The following PAK2 variants were observed in gnomAD, a reference collection of about 807,000 sequenced individuals.
The protein encoded by PAK2 is p21 (RAC1) activated kinase 2.
In PAK2, 21 loss-of-function variants were observed where a neutral mutation model predicts 65.9. That is an observed-to-expected ratio of 0.32 (90% CI 0.23 to 0.46). The LOEUF is 0.46. Ranked by LOEUF, PAK2 falls within the 20% of genes least tolerant of loss-of-function variation. The pLI, the probability that PAK2 is intolerant of heterozygous loss-of-function variation, is 1.00. For missense variants in PAK2, 324 were observed against 642.6 expected (o/e 0.50, Z 5.36); for synonymous variants, 204 against 219.7 (o/e 0.93, Z 0.63).
At chr3:196,765,398 C>T (rs1003318545) in intron 1 of PAK2, among the ~76,000 whole-genome samples, 28 of 152,114 alleles carry the variant, frequency 1.8e-4, no homozygotes, top group African/African-American at 6.3e-4. Flanking sequence ...AATCCCCCAC[C>T]TCCGCCTCCT....
intron 3 of PAK2, among the ~76,000 whole-genome samples, chr3:196,802,610 C>T (rs1445468261): frequency 2.0e-5 from 3 of 152,008 alleles, no homozygotes; most frequent in African/African-American, 4.8e-5. Context: ...TTTGGGAGGC[C>T]GAGGCGGGTG....
chr3:196,770,281 T>C (rs1266586516), intron 1 of PAK2, among the ~76,000 whole-genome samples: 3 of 151,940 alleles, frequency 2.0e-5, no homozygotes, highest in Non-Finnish European at 4.4e-5. Context: ...ATATACAGTA[T>C]TTGTCCTTTT....
chr3:196,823,092 C>A (rs1419976598), intron 13 of PAK2, among the ~76,000 whole-genome samples: 1 of 152,118 alleles, frequency 6.6e-6, no homozygotes. Flanking sequence ...ATTTCCCTGG[C>A]TGCGTTGTTG....
intron 7 of PAK2, among the ~76,000 whole-genome samples, chr3:196,809,549 G>A (rs1343406343): frequency 6.7e-6 from 1 of 150,370 alleles, no homozygotes; most frequent in Non-Finnish European, 1.5e-5. Context: ...TCACCATGTT[G>A]GCTGGGCTGG....
At chr3:196,824,109 G>T (rs958894784) in intron 13 of PAK2, among the ~76,000 whole-genome samples, 9 of 152,160 alleles carry the variant, frequency 5.9e-5, no homozygotes, top group African/African-American at 1.9e-4. Context: ...TCTAAGACCA[G>T]GAAAGCACTG....
At chr3:196,826,811 C>T (rs1189251491) in intron 13 of PAK2, among the ~76,000 whole-genome samples, 1 of 151,880 alleles carries the variant, frequency 6.6e-6, no homozygotes, top group East Asian at 1.9e-4. Flanking sequence ...ATCCCAGCTA[C>T]TCGGGAGGCT....
intron 1 of PAK2, among the ~76,000 whole-genome samples, chr3:196,779,219 G>A (rs896030805): frequency 6.6e-6 from 1 of 152,164 alleles, no homozygotes; most frequent in Admixed American, 6.5e-5. Context: ...ATTTATGTCA[G>A]TATGGAATAA....
chr3:196,742,907 G>A (rs1216467518), intron 1 of PAK2, among the ~76,000 whole-genome samples: 3 of 152,216 alleles, frequency 2.0e-5, no homozygotes, highest in Non-Finnish European at 1.5e-5. Flanking sequence ...GCTACAGAGC[G>A]AGACTCCGTC....
chr3:196,797,893 A>G (rs2108753185), intron 2 of PAK2, among the ~76,000 whole-genome samples: 1 of 152,352 alleles, frequency 6.6e-6, no homozygotes, highest in African/African-American at 2.4e-5. Context: ...ATAAAAAGAT[A>G]TTTAGAAAAT....
chr3:196,753,820 G>GAT, intron 1 of PAK2, among the ~76,000 whole-genome samples: 1 of 152,134 alleles, frequency 6.6e-6, no homozygotes, highest in Admixed American at 6.5e-5. Context: ...GACAGATTCT[G>GAT]TCTTGTACAT....
chr3:196,806,475 G>A, intron 5 of PAK2, 104 bp from the exon 6 acceptor site: 1 of 683,082 alleles, frequency 1.5e-6, no homozygotes, highest in Admixed American at 2.2e-5. Context: ...GTTTTGAAAT[G>A]AGCTATCAAA....
rs141433005 is a variant in PAK2 at position 196,760,344 on chromosome 3, G to A, written c.-22+20187G>A. ...CAGCTCACTACAACCTCCGTCTCCC[G>A]GGTTCAAGCAATTCTCCTGCCTCAG... On this transcript the variant is annotated intron_variant, in intron 1 of 14. Coordinates refer to ENST00000327134, the MANE Select transcript of PAK2 (RefSeq NM_002577.4). 8.6e-3 allele frequency among the ~76,000 whole-genome samples: 1,310 copies of A among 152,108 alleles called. 14 individuals are homozygous for A. Among genetic ancestry groups the A allele is most frequent in the African/African-American group, 0.029 (1,200 of 41,496 alleles).
At chr3:196,788,296 T>C (rs1186497399) in intron 2 of PAK2, among the ~76,000 whole-genome samples, 1 of 152,226 alleles carries the variant, frequency 6.6e-6, no homozygotes, top group Non-Finnish European at 1.5e-5. Flanking sequence ...CCATCTCTAA[T>C]GTAAGGCCTG....
rs1407250598 is a variant in PAK2, at chr3:196,812,889, T to C, written c.935+38T>C. 4.4e-6 allele frequency: 4 copies of C among 914,846 alleles called. No homozygotes were observed. In the African/African-American group the frequency reaches 5.0e-5, roughly 11 times the overall value. The allele number at this position is 914,846 out of a possible 1,614,324, so 56.7% of individuals were successfully genotyped here. A position where few individuals can be genotyped will look rare whatever the true frequency, so the allele number is the denominator to read the frequency against. ...ATTCCTTAAACACCGGGAGAAAATG[T>C]AGAAATTTTAAGTCTCATGGTTTCG... On this transcript the variant is annotated intron_variant, in intron 10 of 14. Coordinates refer to ENST00000327134, the MANE Select transcript of PAK2 (RefSeq NM_002577.4).
At chr3:196,795,859 C>A (rs1406267677) in intron 2 of PAK2, among the ~76,000 whole-genome samples, 1 of 152,194 alleles carries the variant, frequency 6.6e-6, no homozygotes, top group Non-Finnish European at 1.5e-5. Flanking sequence ...GATGTGGCAC[C>A]TCCGTGGTTC....
At chr3:196,802,595 A>G (rs1277127257) in intron 3 of PAK2, among the ~76,000 whole-genome samples, 1 of 152,196 alleles carries the variant, frequency 6.6e-6, no homozygotes, top group Admixed American at 6.5e-5. Flanking sequence ...GTGTAATCCC[A>G]GCACTTTGGG....
Position 196,800,518 on chromosome 3 carries a change from A to G in PAK2, c.188-1409A>G, listed in dbSNP as rs1045158554. Among the ~76,000 whole-genome samples the G allele has an allele frequency of 1.1e-4, 17 of 152,350 alleles. No individual in the cohort carries two copies. The South Asian group carries it at 1.2e-3, about 11-fold the overall frequency. On this transcript the variant is annotated intron_variant, in intron 2 of 14. Transcript: ENST00000327134. ...TATTCTAAAATTAATAGGGAAATGC[A>G]GAGGACCTCGATTACCCAAACAGCT...
intron 2 of PAK2, among the ~76,000 whole-genome samples, chr3:196,787,000 T>G (rs1217682932): frequency 6.6e-6 from 1 of 151,916 alleles, no homozygotes; most frequent in East Asian, 1.9e-4. Context: ...AATTTTTGTA[T>G]TTTTTGTAGA....
chr3:196,821,290 G>A (rs1202363776), intron 13 of PAK2, among the ~76,000 whole-genome samples: 3 of 152,022 alleles, frequency 2.0e-5, no homozygotes, highest in Non-Finnish European at 4.4e-5. Context: ...TAGCACTACT[G>A]CACTCCAGCC....
Sources: gnomAD v4.1 joint callset for allele counts (sites outside exome capture counted in the v4.1 genomes callset) on GRCh38, gnomAD v4.1.1 for gene constraint, MANE v1.5 for transcripts, NCBI Gene and HGNC (gene_info 2026-07-23, HGNC 2026-07-21) for gene names.